The following COBL variants were observed in gnomAD, a reference collection of about 807,000 sequenced individuals.
COBL encodes the protein cordon-bleu WH2 repeat protein.
Under a neutral mutation model 98.8 loss-of-function variants are expected in COBL, and 51 were observed. That is an observed-to-expected ratio of 0.52 (90% CI 0.41 to 0.65). The LOEUF is 0.65. Ranked by LOEUF, COBL falls within the 30% of genes least tolerant of loss-of-function variation. The pLI, the probability that COBL is intolerant of heterozygous loss-of-function variation, is 0.00. For missense variants in COBL, 1,617 were observed against 1,617.5 expected, an observed-to-expected ratio of 1.00 and a Z score of 0.01; for synonymous variants, 634 against 651.7, an observed-to-expected ratio of 0.97 and a Z score of 0.41.
chr7:51,222,817 G>A (rs765943334), intron 1 of COBL, among the ~76,000 whole-genome samples: 11 of 152,198 alleles, frequency 7.2e-5, no homozygotes, highest in Admixed American at 4.6e-4. Context: ...ATAGGAAGCA[G>A]CATTTATTCA....
intron 1 of COBL, among the ~76,000 whole-genome samples, chr7:51,309,112 T>G (rs963708804): frequency 6.6e-6 from 1 of 152,132 alleles, no homozygotes; most frequent in African/African-American, 2.4e-5. Flanking sequence ...CCCCCGGCCC[T>G]CACAGGAGTC....
At chr7:51,089,616 C>CT (rs1289317535) in intron 6 of COBL, among the ~76,000 whole-genome samples, 5 of 152,012 alleles carry the variant, frequency 3.3e-5, no homozygotes, top group African/African-American at 4.8e-5. Context: ...TGAAGTAATA[C>CT]TTTTTTTTAG....
At chr7:51,254,321 A>AC (rs890894074) in intron 1 of COBL, among the ~76,000 whole-genome samples, 8 of 152,116 alleles carry the variant, frequency 5.3e-5, no homozygotes, top group African/African-American at 1.9e-4. Context: ...GAGGCGTATG[A>AC]CCTCCGATGA....
chr7:51,069,908 A>G (rs927178940), intron 7 of COBL, among the ~76,000 whole-genome samples: 1 of 152,204 alleles, frequency 6.6e-6, no homozygotes, highest in African/African-American at 2.4e-5. Context: ...AGATTTATCA[A>G]CCAGGAAACA....
intron 1 of COBL, among the ~76,000 whole-genome samples, chr7:51,301,568 C>T (rs1801970233): frequency 6.6e-6 from 1 of 152,262 alleles, no homozygotes; most frequent in Admixed American, 6.5e-5. Flanking sequence ...CGGGACTTCC[C>T]TCACACCTGA....
intron 2 of COBL, among the ~76,000 whole-genome samples, chr7:51,205,588 G>A (rs1791597958): frequency 6.7e-6 from 1 of 150,060 alleles, no homozygotes; most frequent in Non-Finnish European, 1.5e-5. Flanking sequence ...ACAGGAAAAA[G>A]CTTCATGACA....
At chr7:51,267,762 C>T (rs1363070206) in intron 1 of COBL, among the ~76,000 whole-genome samples, 1 of 151,830 alleles carries the variant, frequency 6.6e-6, no homozygotes, top group African/African-American at 2.4e-5. Context: ...TTAGTAGAGG[C>T]GGGGTTTCAC....
chr7:51,183,815 G>C (rs1428282780), intron 5 of COBL, among the ~76,000 whole-genome samples: 105 of 152,184 alleles, frequency 6.9e-4, no homozygotes, highest in Non-Finnish European at 1.5e-4. Flanking sequence ...GGAAGTACCG[G>C]AACACCCACA....
In COBL at chr7:51,065,733, T is replaced by C. The variant is rs189719957; in HGVS notation, c.1096+19433A>G. ...ACACCAGGTGCTATGGGCTGAACTGTGTTCCCTAAAAATTTATATGTTGAA... is the reference window on the plus strand; with the variant it reads ...ACACCAGGTGCTATGGGCTGAACTGCGTTCCCTAAAAATTTATATGTTGAA... On this transcript the variant is annotated intron_variant, in intron 7 of 12. Transcript: ENST00000265136. 3.9e-3 allele frequency among the ~76,000 whole-genome samples: 594 copies of C among 152,372 alleles called. 6 individuals are homozygous for C. The highest frequency in any genetic ancestry group is 6.1e-3 in the Non-Finnish European group (417 of 68,032).
intron 2 of COBL, among the ~76,000 whole-genome samples, chr7:51,208,560 G>A (rs1041315553): frequency 9.2e-5 from 14 of 152,254 alleles, no homozygotes; most frequent in Non-Finnish European, 1.6e-4. Context: ...TCTGGGAGGC[G>A]TGCCCAGCGG....
chr7:51,102,894 G>C (rs944907412), intron 6 of COBL, among the ~76,000 whole-genome samples: 4 of 152,216 alleles, frequency 2.6e-5, no homozygotes, highest in African/African-American at 9.6e-5. Context: ...GTGGTTGCCA[G>C]GCGATGAGGG....
At chr7:51,314,628 T>C (rs1045196288) in intron 1 of COBL, among the ~76,000 whole-genome samples, 6 of 152,242 alleles carry the variant, frequency 3.9e-5, no homozygotes, top group African/African-American at 1.4e-4. Flanking sequence ...ATAAGGATAT[T>C]AACATTTTCT....
chr7:51,198,769 C>G (rs969546183), intron 2 of COBL, among the ~76,000 whole-genome samples: 4 of 152,312 alleles, frequency 2.6e-5, no homozygotes, highest in South Asian at 2.1e-4. Context: ...ATCAGTAAGA[C>G]AGTAGAACAG....
At chr7:51,248,116 G>A (rs560908206) in intron 1 of COBL, among the ~76,000 whole-genome samples, 2 of 152,268 alleles carry the variant, frequency 1.3e-5, no homozygotes, top group Non-Finnish European at 2.9e-5. Context: ...TCAAGCCCAG[G>A]CGACAGAGCA....
chr7:51,163,434 C>T (rs538825831), intron 5 of COBL, among the ~76,000 whole-genome samples: 1 of 152,288 alleles, frequency 6.6e-6, no homozygotes, highest in African/African-American at 2.4e-5. Flanking sequence ...GTGCCTAGAA[C>T]AGACAGGACT....
At chr7:51,185,634 A>G (rs1294249952) in intron 4 of COBL, among the ~76,000 whole-genome samples, 1 of 152,224 alleles carries the variant, frequency 6.6e-6, no homozygotes, top group African/African-American at 2.4e-5. Context: ...GAGGATAGAA[A>G]AATGATTTTT....
At chr7:51,254,817 T>C (rs919700551) in intron 1 of COBL, among the ~76,000 whole-genome samples, 1 of 152,234 alleles carries the variant, frequency 6.6e-6, no homozygotes, top group Non-Finnish European at 1.5e-5. Flanking sequence ...CTTGGGCAGC[T>C]GATTTCAATT....
chr7:51,219,758 C>G lies in COBL; in HGVS notation c.228G>C (p.Arg76Ser). ...TVVLPSGLEK[R>S]SVLNGSHAMM... is the part of the protein sequence containing the mutation. ...GCTCTCACCTCCCATTGAGCACGCT[C>G]CTCTTCTCCAGCCCACTAGGCAGGA... Residue 76 changes from arginine to serine, a missense_variant, in exon 2 of 13, where the codon AGG becomes AGC. Around this residue, in one of 3 missense-constraint regions of COBL, gnomAD observed 238 missense variants for 215.0 expected, o/e 1.11. Coordinates refer to ENST00000265136, the MANE Select transcript of COBL (RefSeq NM_015198.5). The G allele has an allele frequency of 6.2e-7, 1 of 1,614,110 alleles. No homozygotes were observed. The highest frequency in any genetic ancestry group is 2.2e-5 in the East Asian group (1 of 44,860).
At chr7:51,201,911 C>T (rs2129066006) in intron 2 of COBL, among the ~76,000 whole-genome samples, 1 of 152,328 alleles carries the variant, frequency 6.6e-6, no homozygotes, top group East Asian at 1.9e-4. Context: ...GAACAACTCA[C>T]AAATTTAATC....
Sources: allele counts gnomAD v4.1 joint callset (sites outside exome capture counted in the v4.1 genomes callset), GRCh38; gene constraint gnomAD v4.1.1; regional missense constraint gnomAD v4.1.1; transcripts MANE v1.5; gene names NCBI Gene and HGNC (gene_info 2026-07-23, HGNC 2026-07-21).